Variants in OR51C1 observed in about 807,000 individuals in gnomAD.
The protein encoded by OR51C1 is olfactory receptor family 51 subfamily C member 1.
the OR51C1 span, chr11:4,691,004 T>A: frequency 4.4e-6 from 2 of 455,486 alleles, no homozygotes; most frequent in Non-Finnish European, 8.8e-6. Flanking sequence ...TCCTCTCTTC[T>A]GGGGAAGCAA....
chr11:4,693,719 T>C, the OR51C1 span, among the ~76,000 whole-genome samples: 2 of 151,916 alleles, frequency 1.3e-5, no homozygotes, highest in African/African-American at 2.4e-5. Flanking sequence ...GAGACTCCGT[T>C]TCAAAAAACA....
At chr11:4,695,763 GTTA>G in the OR51C1 span, among the ~76,000 whole-genome samples, 4 of 124,978 alleles carry the variant, frequency 3.2e-5, no homozygotes, top group African/African-American at 1.1e-4. Context: ...TTCAGTGATG[GTTA>G]TTCTGTGAGG....
At chr11:4,691,985 C>T in the OR51C1 span, among the ~76,000 whole-genome samples, 6 of 152,170 alleles carry the variant, frequency 3.9e-5, no homozygotes, top group East Asian at 1.9e-4. Context: ...CTCCTCTGAT[C>T]GTTCTAGCCA....
chr11:4,692,141 G>A, the OR51C1 span: 1 of 451,486 alleles, frequency 2.2e-6, no homozygotes, highest in African/African-American at 2.0e-5. Context: ...TGGGGCTGTG[G>A]AACAGCAATA....
the OR51C1 span, chr11:4,691,309 G>A: frequency 4.4e-6 from 2 of 457,462 alleles, no homozygotes; most frequent in South Asian, 3.1e-5. Flanking sequence ...GCATACCTAA[G>A]GGGATTAGAG....
chr11:4,696,560 T>G, the OR51C1 span, among the ~76,000 whole-genome samples: 1 of 152,162 alleles, frequency 6.6e-6, no homozygotes. Flanking sequence ...GAAAAAATCT[T>G]AAGTGTTTAT....
At chr11:4,692,647 G>T in the OR51C1 span, among the ~76,000 whole-genome samples, 1 of 152,154 alleles carries the variant, frequency 6.6e-6, no homozygotes, top group African/African-American at 2.4e-5. Flanking sequence ...GGGAAAAACA[G>T]AGATTAGGGT....
At chr11:4,694,359 C>T in the OR51C1 span, among the ~76,000 whole-genome samples, 5 of 151,974 alleles carry the variant, frequency 3.3e-5, 1 homozygote, top group African/African-American at 9.7e-5. Flanking sequence ...ATCCTTCCTA[C>T]GTTCACGCTG....
chr11:4,695,965 G>A, the OR51C1 span, among the ~76,000 whole-genome samples: 1 of 152,036 alleles, frequency 6.6e-6, no homozygotes, highest in African/African-American at 2.4e-5. Flanking sequence ...TCATAAATCT[G>A]CAATCTAATT....
the OR51C1 span, among the ~76,000 whole-genome samples, chr11:4,694,832 T>G: frequency 1.3e-5 from 2 of 152,064 alleles, no homozygotes; most frequent in Admixed American, 1.3e-4. Flanking sequence ...CATACATGAA[T>G]GTGTCTGTGT....
the OR51C1 span, among the ~76,000 whole-genome samples, chr11:4,694,718 C>G: frequency 6.6e-6 from 1 of 151,908 alleles, no homozygotes; most frequent in Admixed American, 6.6e-5. Context: ...GTAACAGAAA[C>G]AAACAGATAA....
chr11:4,691,664 A>G, the OR51C1 span: 7 of 403,696 alleles, frequency 1.7e-5, no homozygotes, highest in Admixed American at 2.1e-4. Context: ...TGAGCAGGAA[A>G]ATGATGGAAG....
At chr11:4,690,572 C>T in the OR51C1 span, 1 of 256,392 alleles carries the variant, frequency 3.9e-6, no homozygotes, top group African/African-American at 2.3e-5. Flanking sequence ...GTCTTCACCT[C>T]CTCATCTGGA....
At chr11:4,696,612 G>A in the OR51C1 span, among the ~76,000 whole-genome samples, 5 of 152,110 alleles carry the variant, frequency 3.3e-5, no homozygotes, top group Non-Finnish European at 5.9e-5. Flanking sequence ...CTTAGAAGGA[G>A]GCACTAAATT....
At chr11:4,691,296 AT>A in the OR51C1 span, 10 of 457,232 alleles carry the variant, frequency 2.2e-5, no homozygotes, top group South Asian at 1.5e-4. Context: ...AGTTAAAATC[AT>A]GGCATACCTA....
At chr11:4,692,860 A>G in the OR51C1 span, among the ~76,000 whole-genome samples, 1 of 147,372 alleles carries the variant, frequency 6.8e-6, no homozygotes, top group Non-Finnish European at 1.5e-5. Context: ...GTGAAAAAAA[A>G]AGGGGGGGTG....
At chr11:4,693,843 T>C in the OR51C1 span, among the ~76,000 whole-genome samples, 2 of 152,214 alleles carry the variant, frequency 1.3e-5, no homozygotes, top group African/African-American at 4.8e-5. Flanking sequence ...AGTGCTATTT[T>C]AGAAGCTAAA....
At chr11:4,693,514 G>A in the OR51C1 span, among the ~76,000 whole-genome samples, 4 of 152,294 alleles carry the variant, frequency 2.6e-5, no homozygotes, top group South Asian at 2.1e-4. Flanking sequence ...GAGGTCAGGA[G>A]ATCGAGACCA....
At chr11:4,693,677 G>A in the OR51C1 span, among the ~76,000 whole-genome samples, 1 of 152,104 alleles carries the variant, frequency 6.6e-6, no homozygotes, top group Non-Finnish European at 1.5e-5. Flanking sequence ...AACCGAGATG[G>A]CGCCATTGCA....
Sources: gnomAD v4.1 joint callset for allele counts (sites outside exome capture counted in the v4.1 genomes callset) on GRCh38, gnomAD v4.1.1 for gene constraint, MANE v1.5 for transcripts, NCBI Gene and HGNC (gene_info 2026-07-23, HGNC 2026-07-21) for gene names.